The following KLHL29 variants were observed in gnomAD, a reference collection of about 807,000 sequenced individuals.
KLHL29 encodes the protein kelch like family member 29, also known as kelch-like protein 29.
Under a neutral mutation model 80.4 loss-of-function variants are expected in KLHL29, and 21 were observed. That is an observed-to-expected ratio of 0.26 (90% CI 0.19 to 0.38). KLHL29 has a LOEUF of 0.38. KLHL29 is among the 10% of genes least tolerant of loss of function. KLHL29 has a pLI of 1.00. For synonymous variants in KLHL29, 511 were observed against 526.8 expected (o/e 0.97, Z 0.41); for missense variants, 867 against 1,223.9 (o/e 0.71, Z 4.35).
intron 1 of KLHL29, among the ~76,000 whole-genome samples, chr2:23,416,517 A>G (rs1002039585): frequency 9.2e-5 from 14 of 152,194 alleles, no homozygotes; most frequent in African/African-American, 3.1e-4. Context: ...AATGTAAGAG[A>G]TGCTATGTGG....
At chr2:23,446,816 A>G (rs569340218) in intron 1 of KLHL29, among the ~76,000 whole-genome samples, 4 of 152,238 alleles carry the variant, frequency 2.6e-5, no homozygotes, top group Non-Finnish European at 5.9e-5. Context: ...TCTGGAGTAT[A>G]TATTGTCGAA....
Position 23,696,213 on chromosome 2 carries a change from C to A in KLHL29, c.1924+80C>A. The A allele has an allele frequency of 6.7e-7, 1 of 1,492,774 alleles. No homozygotes were observed. 92.5% of individuals were successfully genotyped at this position (1,492,774 alleles called of 1,614,324 possible). A position where few individuals can be genotyped will look rare whatever the true frequency, so the allele number is the denominator to read the frequency against. ...CTCCCCACGTCAGGGCTGAGGAAGGCCATGGCCCAGAAGTGTCTACTTTGC... is the reference window on the plus strand; with the variant it reads ...CTCCCCACGTCAGGGCTGAGGAAGGACATGGCCCAGAAGTGTCTACTTTGC... On this transcript the variant is annotated intron_variant, in intron 10 of 13. Coordinates refer to ENST00000486442, the MANE Select transcript of KLHL29 (RefSeq NM_052920.2). The surrounding 1 kb of genome is among the most constrained non-coding windows in gnomAD (Gnocchi z 5.5).
At chr2:23,600,398 A>G (rs1483521389) in intron 3 of KLHL29, among the ~76,000 whole-genome samples, 1 of 152,202 alleles carries the variant, frequency 6.6e-6, no homozygotes, top group Non-Finnish European at 1.5e-5. Flanking sequence ...CTGGAGAAGG[A>G]GAGAAAAGAT....
chr2:23,620,187 G>A (rs369812916), intron 3 of KLHL29, among the ~76,000 whole-genome samples: 2 of 152,320 alleles, frequency 1.3e-5, no homozygotes, highest in East Asian at 3.9e-4. Context: ...ACATGAGGGT[G>A]CTGGCAGAGC....
At chr2:23,541,488 C>A (rs552554421) in intron 2 of KLHL29, among the ~76,000 whole-genome samples, 1 of 152,370 alleles carries the variant, frequency 6.6e-6, no homozygotes, top group South Asian at 2.1e-4. Flanking sequence ...TCAGCCAAAT[C>A]CATCTCTGCC....
At chr2:23,434,048 G>A (rs541666887) in intron 1 of KLHL29, among the ~76,000 whole-genome samples, 34 of 151,650 alleles carry the variant, frequency 2.2e-4, no homozygotes, top group African/African-American at 6.3e-4. Flanking sequence ...CCGGCCGGGC[G>A]CGGTGGCTCA....
chr2:23,546,968 G>C (rs1346018488), intron 2 of KLHL29, among the ~76,000 whole-genome samples: 1 of 152,210 alleles, frequency 6.6e-6, no homozygotes, highest in Non-Finnish European at 1.5e-5. Context: ...TGAGCCATCT[G>C]GGAAGACCCT....
rs569192746 is a variant in KLHL29, at chr2:23,441,644, G to A, written c.-153-33916G>A. Among the ~76,000 whole-genome samples the A allele has an allele frequency of 2.6e-5, 4 of 152,252 alleles. No individual in the cohort carries two copies. In the South Asian group the frequency reaches 8.3e-4, roughly 32 times the overall value. On this transcript the variant is annotated intron_variant, in intron 1 of 13. Transcript: ENST00000486442. The stretch of plus-strand genomic sequence containing the variant: ...ATGCCAGCTAACATGGCTTGACTGA[G>A]GTTGCAAGATGCACTTCCAAGATGG...
intron 3 of KLHL29, among the ~76,000 whole-genome samples, chr2:23,579,354 G>C (rs1667923955): frequency 1.3e-5 from 2 of 152,150 alleles, no homozygotes; most frequent in Admixed American, 6.5e-5. Context: ...CTTTTCCCCA[G>C]ATGTCTGCCC....
At chr2:23,612,874 A>G (rs1341963611) in intron 3 of KLHL29, among the ~76,000 whole-genome samples, 5 of 152,236 alleles carry the variant, frequency 3.3e-5, no homozygotes, top group Non-Finnish European at 7.3e-5. Flanking sequence ...AAATGTAAAA[A>G]TAAGGCTATA....
chr2:23,680,524 C>T lies in KLHL29; in HGVS notation c.941-3875C>T, dbSNP rs2149186275. ...AACCTCTGGGGCCGACCAACAGGGA[C>T]AGATGCTGAGGCCAAGTCTTCATCC... is the stretch of plus-strand genomic sequence containing the variant. On this transcript the variant is annotated intron_variant, in intron 5 of 13. Transcript: ENST00000486442. This position sits in a 1 kb window ranked among gnomAD's most constrained non-coding sequence, Gnocchi z 4.1. Among the ~76,000 whole-genome samples the T allele has an allele frequency of 6.6e-6, 1 of 152,338 alleles. No individual in the cohort carries two copies. Among genetic ancestry groups the T allele is most frequent in the Non-Finnish European group, 1.5e-5 (1 of 68,032 alleles).
intron 2 of KLHL29, among the ~76,000 whole-genome samples, chr2:23,551,348 A>G (rs1667117612): frequency 6.6e-6 from 1 of 151,590 alleles, no homozygotes; most frequent in African/African-American, 2.4e-5. Context: ...TGCTTTTTTG[A>G]AAAAAAAATC....
At chr2:23,413,619 C>T (rs933570906) in intron 1 of KLHL29, among the ~76,000 whole-genome samples, 19 of 152,206 alleles carry the variant, frequency 1.2e-4, no homozygotes, top group African/African-American at 4.6e-4. Context: ...GGAGAAAGAA[C>T]AACCTGCTCC....
chr2:23,413,150 G>T (rs115533319), intron 1 of KLHL29, among the ~76,000 whole-genome samples: 1 of 152,156 alleles, frequency 6.6e-6, no homozygotes, highest in Admixed American at 6.5e-5. Flanking sequence ...CGGTGAACTC[G>T]CAGGGTGTAG....
At chr2:23,664,249 G>C (rs1468812089) in intron 5 of KLHL29, among the ~76,000 whole-genome samples, 1 of 152,168 alleles carries the variant, frequency 6.6e-6, no homozygotes. Context: ...CACACTGTCA[G>C]GTGCCAATCA....
chr2:23,552,374 C>G (rs948741912), intron 2 of KLHL29, among the ~76,000 whole-genome samples: 15 of 152,292 alleles, frequency 9.8e-5, no homozygotes, highest in Non-Finnish European at 2.2e-4. Flanking sequence ...CATTAAATAT[C>G]TGCAGCTTTT....
intron 3 of KLHL29, among the ~76,000 whole-genome samples, chr2:23,582,049 C>T (rs1187058257): frequency 2.6e-5 from 4 of 152,212 alleles, no homozygotes; most frequent in South Asian, 4.1e-4. Context: ...CCTCAGATAC[C>T]ACGCCAGGGT....
intron 5 of KLHL29, among the ~76,000 whole-genome samples, chr2:23,673,497 C>A (rs1261033848): frequency 6.6e-6 from 1 of 151,404 alleles, no homozygotes; most frequent in African/African-American, 2.4e-5. Flanking sequence ...GCATACACGC[C>A]CCCACACCAC....
chr2:23,406,212 C>T (rs1335817922), intron 1 of KLHL29, among the ~76,000 whole-genome samples: 1 of 151,224 alleles, frequency 6.6e-6, no homozygotes, highest in Admixed American at 6.6e-5. Context: ...CCTGTGATCT[C>T]AGCTACTCGG....
Sources: gnomAD v4.1 joint callset for allele counts (sites outside exome capture counted in the v4.1 genomes callset) on GRCh38, gnomAD v4.1.1 for gene constraint, Gnocchi (gnomAD v3.1) non-coding constraint, MANE v1.5 for transcripts, NCBI Gene and HGNC (gene_info 2026-07-23, HGNC 2026-07-21) for gene names.